LINGO1: variants seen among roughly 807,000 people sequenced by gnomAD.
LINGO1 encodes the protein leucine rich repeat and Ig domain containing 1.
In LINGO1, 11 loss-of-function variants were observed where a neutral mutation model predicts 37.3. The ratio of observed to expected loss-of-function variants is 0.29; its 90% CI spans 0.19 to 0.49. The LOEUF (loss-of-function observed/expected upper bound fraction) is 0.49, where lower values mean the gene tolerates loss of function less well. LINGO1 is among the 20% of genes least tolerant of loss of function. The pLI is 0.99. For synonymous variants in LINGO1, 387 were observed against 403.0 expected (o/e 0.96, Z 0.48); for missense variants, 585 against 878.2 (o/e 0.67, Z 4.22).
intron 2 of LINGO1, among the ~76,000 whole-genome samples, chr15:77,718,258 C>T (rs945322075): frequency 1.3e-5 from 2 of 150,972 alleles, no homozygotes; most frequent in Admixed American, 1.3e-4. Context: ...AGGGACAGAG[C>T]TGGAGAAGTG....
At chr15:77,698,363 G>A (rs73465817), upstream of LINGO1, among the ~76,000 whole-genome samples, 3,989 of 152,332 alleles carry the variant, frequency 0.026, 181 homozygotes, top group African/African-American at 0.092. Context: ...ACAAGCATGT[G>A]TTGAGTGCCT....
rs183478128 is a variant in LINGO1, at chr15:77,769,634, G to A, written c.-257+17235C>T. Among the ~76,000 whole-genome samples, 74 of 152,276 alleles carry A rather than the reference G, an allele frequency of 4.9e-4. No homozygotes were observed. In the East Asian group the frequency reaches 0.014, roughly 29 times the overall value. ...AGGAGGATTGCCATGGAGAGAGGCT[G>A]GGGGAAGACTGCCAAGCACCTCAGC... On this transcript the variant is annotated intron_variant, in intron 1 of 3. Coordinates refer to the LINGO1 transcript ENST00000561686.
intron 2 of LINGO1, among the ~76,000 whole-genome samples, chr15:77,730,902 T>C (rs562754458): frequency 2.0e-5 from 3 of 152,220 alleles, no homozygotes; most frequent in Admixed American, 6.5e-5. Flanking sequence ...TGAGGTGCTG[T>C]CCTGGGACTG....
At chr15:77,781,967 C>G (rs1462128476) in intron 1 of LINGO1, among the ~76,000 whole-genome samples, 1 of 152,172 alleles carries the variant, frequency 6.6e-6, no homozygotes, top group Non-Finnish European at 1.5e-5. Context: ...AGGGAAGCAG[C>G]CTGGGGGTTG....
intron 3 of LINGO1, among the ~76,000 whole-genome samples, chr15:77,644,497 C>T (rs550630300): frequency 6.6e-6 from 1 of 152,358 alleles, no homozygotes; most frequent in Admixed American, 6.5e-5. Flanking sequence ...TGAGCCCACC[C>T]TGTGGTATTT....
intron 1 of LINGO1, among the ~76,000 whole-genome samples, chr15:77,808,750 A>C (rs981952584): frequency 1.3e-5 from 2 of 152,096 alleles, no homozygotes; most frequent in African/African-American, 2.4e-5. Flanking sequence ...TTAAATGGGG[A>C]TAGTAATAGT....
chr15:77,659,325 G>A (rs1271178170), intron 3 of LINGO1, among the ~76,000 whole-genome samples: 1 of 151,816 alleles, frequency 6.6e-6, no homozygotes, highest in Non-Finnish European at 1.5e-5. Context: ...CAGCCCAAAT[G>A]CCACCTCTTC....
intron 2 of LINGO1, among the ~76,000 whole-genome samples, chr15:77,712,728 C>T (rs1299977751): frequency 6.6e-6 from 1 of 152,190 alleles, no homozygotes; most frequent in Non-Finnish European, 1.5e-5. Flanking sequence ...GAAGCAGAAG[C>T]CAGCAAATAT....
At chr15:77,660,475 C>A (rs1455822362) in intron 3 of LINGO1, among the ~76,000 whole-genome samples, 1 of 152,146 alleles carries the variant, frequency 6.6e-6, no homozygotes, top group African/African-American at 2.4e-5. Context: ...GTCTCCCTTG[C>A]TCTCCCGAGG....
At chr15:77,760,520 A>G (rs1170642700) in intron 1 of LINGO1, among the ~76,000 whole-genome samples, 4 of 152,234 alleles carry the variant, frequency 2.6e-5, no homozygotes, top group African/African-American at 9.6e-5. Context: ...GAATCTGGCC[A>G]CACAGGGCCT....
intron 1 of LINGO1, among the ~76,000 whole-genome samples, chr15:77,743,486 G>C (rs1352928002): frequency 6.6e-6 from 1 of 152,140 alleles, no homozygotes; most frequent in East Asian, 1.9e-4. Context: ...CTTAAAGACA[G>C]GTAGGCTGCA....
At chr15:77,624,215 GTGTGTA>G (rs2074023050) in intron 1 of LINGO1, among the ~76,000 whole-genome samples, 2 of 151,542 alleles carry the variant, frequency 1.3e-5, no homozygotes, top group Admixed American at 6.6e-5. Flanking sequence ...CTGTGTGTGT[GTGTGTA>G]TGTGTATGGT....
chr15:77,772,207 C>T (rs2076592596), intron 1 of LINGO1, among the ~76,000 whole-genome samples: 1 of 152,226 alleles, frequency 6.6e-6, no homozygotes. Context: ...CTCTCCCTGT[C>T]CCTGAGAATG....
At chr15:77,653,408 G>T (rs1387086522) in intron 3 of LINGO1, among the ~76,000 whole-genome samples, 2 of 152,190 alleles carry the variant, frequency 1.3e-5, no homozygotes, top group Non-Finnish European at 2.9e-5. Context: ...GAGTGACAGG[G>T]GCCTCCCCAG....
At chr15:77,679,047 C>T (rs139795566) in intron 2 of LINGO1, among the ~76,000 whole-genome samples, 1,865 of 152,118 alleles carry the variant, frequency 0.012, 46 homozygotes, top group African/African-American at 0.042. Flanking sequence ...ATTACAGATG[C>T]GCACCACCAC....
intron 1 of LINGO1, among the ~76,000 whole-genome samples, chr15:77,626,991 T>C (rs57354334): frequency 0.2 from 25,455 of 126,738 alleles, 4,681 homozygotes; most frequent in African/African-American, 0.51. Flanking sequence ...TGCACTGGGC[T>C]AGGCAGAAGA....
At chr15:77,704,146 G>C (rs966835917) in intron 2 of LINGO1, among the ~76,000 whole-genome samples, 1 of 152,178 alleles carries the variant, frequency 6.6e-6, no homozygotes, top group Non-Finnish European at 1.5e-5. Context: ...CACATGGCAA[G>C]TTCTGAAGGA....
chr15:77,634,557 A>G (rs2141089586), upstream of LINGO1, among the ~76,000 whole-genome samples: 1 of 152,316 alleles, frequency 6.6e-6, no homozygotes, highest in Admixed American at 6.5e-5. Context: ...ATGGTCACAC[A>G]GCCAGCAAGC....
At chr15:77,783,132 C>A (rs1224660755) in intron 1 of LINGO1, among the ~76,000 whole-genome samples, 1 of 152,174 alleles carries the variant, frequency 6.6e-6, no homozygotes, top group East Asian at 1.9e-4. Flanking sequence ...CCCATCGGAG[C>A]TGCTCATTCA....
Sources: gnomAD v4.1 joint callset for allele counts (sites outside exome capture counted in the v4.1 genomes callset) on GRCh38, gnomAD v4.1.1 for gene constraint, MANE v1.5 for transcripts, NCBI Gene and HGNC (gene_info 2026-07-23, HGNC 2026-07-21) for gene names.